The following NRG1 variants were observed in gnomAD, a reference collection of about 807,000 sequenced individuals.
The protein encoded by NRG1 is pro-neuregulin-1, membrane-bound isoform.
In NRG1, 18 loss-of-function variants were observed where a neutral mutation model predicts 63.8. The ratio of observed to expected loss-of-function variants is 0.28; its 90% confidence interval spans 0.19 to 0.42. NRG1 has a LOEUF of 0.42. Ranked by LOEUF, NRG1 falls within the 10% of genes least tolerant of loss-of-function variation. NRG1 has a pLI of 1.00. For missense variants in NRG1, 762 were observed against 814.7 expected (o/e 0.94, Z 0.79); for synonymous variants, 302 against 301.3 (o/e 1.00, Z -0.02).
intron 1 of NRG1, among the ~76,000 whole-genome samples, chr8:31,867,162 T>C (rs1454276655): frequency 6.6e-6 from 1 of 152,144 alleles, no homozygotes; most frequent in East Asian, 1.9e-4. Flanking sequence ...TGTTTCCTGC[T>C]TTGTTTCCTT....
intron 1 of NRG1, among the ~76,000 whole-genome samples, chr8:32,208,547 C>A (rs1306495922): frequency 6.6e-6 from 1 of 151,984 alleles, no homozygotes; most frequent in African/African-American, 2.4e-5. Flanking sequence ...CGTGAACCAC[C>A]GGGCCCAGCC....
In NRG1 at chr8:32,260,586, T is replaced by G. The variant is rs1252564491; in HGVS notation, c.38-335242T>G. Among the ~76,000 whole-genome samples, 5 of 152,356 alleles carry G rather than the reference T, an allele frequency of 3.3e-5. No homozygotes were observed. In the East Asian group the frequency reaches 5.8e-4, roughly 18 times the overall value. On this transcript the variant is annotated intron_variant, in intron 1 of 10. Transcript: ENST00000519301. ...TTTCTTAAGTTAATTTGCATTGGCATTAAGCACCTACTTTATTTATTTCCT... is the reference window on the plus strand; with the variant it reads ...TTTCTTAAGTTAATTTGCATTGGCAGTAAGCACCTACTTTATTTATTTCCT...
chr8:32,005,194 G>C (rs1334056961), intron 1 of NRG1, among the ~76,000 whole-genome samples: 1 of 151,908 alleles, frequency 6.6e-6, no homozygotes, highest in Non-Finnish European at 1.5e-5. Flanking sequence ...GGAATGATGA[G>C]AAGGATGGGT....
intron 1 of NRG1, among the ~76,000 whole-genome samples, chr8:32,416,817 C>T (rs540975437): frequency 6.6e-6 from 1 of 152,090 alleles, no homozygotes; most frequent in East Asian, 1.9e-4. Flanking sequence ...CCTCTGAAGT[C>T]GTTGGGACCA....
At chr8:31,880,137 G>C (rs1563520003) in intron 1 of NRG1, among the ~76,000 whole-genome samples, 1 of 152,082 alleles carries the variant, frequency 6.6e-6, no homozygotes. Context: ...TTCCTCAAAG[G>C]GCTAAAAGCA....
At chr8:31,862,933 C>G (rs1828604192) in intron 1 of NRG1, among the ~76,000 whole-genome samples, 1 of 152,180 alleles carries the variant, frequency 6.6e-6, no homozygotes, top group Non-Finnish European at 1.5e-5. Flanking sequence ...GTAGTGTTGT[C>G]TATTATATCT....
chr8:32,113,340 A>G (rs191563431), intron 1 of NRG1, among the ~76,000 whole-genome samples: 146 of 152,198 alleles, frequency 9.6e-4, no homozygotes, highest in Non-Finnish European at 1.6e-3. Context: ...CTCCAATAGT[A>G]ACTGCTCTCC....
intron 1 of NRG1, among the ~76,000 whole-genome samples, chr8:32,217,213 CAAAAAAAAAAAAAAAAAA>C (rs538507645): frequency 9.9e-6 from 1 of 101,168 alleles, no homozygotes; most frequent in Admixed American, 1.1e-4. Flanking sequence ...GACCCTGTCT[CAAAAAAAAAAAAAAAAAA>C]AAAAAAAAAA....
intron 1 of NRG1, among the ~76,000 whole-genome samples, chr8:32,462,416 A>C (rs757746833): frequency 5.9e-5 from 9 of 152,320 alleles, no homozygotes; most frequent in Admixed American, 1.3e-4. Flanking sequence ...ATTTTAATAT[A>C]CATATCCATT....
chr8:32,112,540 G>T (rs1170043565), intron 1 of NRG1, among the ~76,000 whole-genome samples: 4 of 152,172 alleles, frequency 2.6e-5, no homozygotes, highest in Admixed American at 6.5e-5. Flanking sequence ...AAGAGAAAAC[G>T]AGTGTTTCAT....
chr8:32,216,251 A>T (rs1018346178), intron 1 of NRG1, among the ~76,000 whole-genome samples: 2 of 150,288 alleles, frequency 1.3e-5, no homozygotes, highest in African/African-American at 4.9e-5. Flanking sequence ...TAAATAATGC[A>T]TTCAATTTAG....
intron 1 of NRG1, among the ~76,000 whole-genome samples, chr8:31,711,195 T>C (rs1014564943): frequency 6.6e-6 from 1 of 152,198 alleles, no homozygotes; most frequent in African/African-American, 2.4e-5. Flanking sequence ...ATTAACATTC[T>C]TTTTTGGTCA....
At chr8:32,495,275 C>T (rs1827060498) in intron 1 of NRG1, among the ~76,000 whole-genome samples, 2 of 152,138 alleles carry the variant, frequency 1.3e-5, no homozygotes, top group South Asian at 4.1e-4. Flanking sequence ...GTCAATAAGT[C>T]TCACGAGATC....
chr8:32,496,203 T>A (rs549243505), intron 1 of NRG1, among the ~76,000 whole-genome samples: 1 of 152,318 alleles, frequency 6.6e-6, no homozygotes, highest in Non-Finnish European at 1.5e-5. Flanking sequence ...CCTTAAGCAG[T>A]AGTTAACAGA....
At chr8:32,654,965 A>T (rs533330048) in intron 5 of NRG1, among the ~76,000 whole-genome samples, 1 of 152,242 alleles carries the variant, frequency 6.6e-6, no homozygotes, top group South Asian at 2.1e-4. Flanking sequence ...GTCCCTCTTC[A>T]TGGCCTTGAG....
At chr8:31,903,458 A>T (rs1456308952) in intron 1 of NRG1, among the ~76,000 whole-genome samples, 2 of 151,736 alleles carry the variant, frequency 1.3e-5, no homozygotes, top group Admixed American at 1.3e-4. Context: ...CGAGCCTTCA[A>T]CTTGATTCTT....
chr8:32,720,716 A>G (rs1182564494), intron 5 of NRG1, among the ~76,000 whole-genome samples: 1 of 152,116 alleles, frequency 6.6e-6, no homozygotes, highest in Non-Finnish European at 1.5e-5. Flanking sequence ...GACATCCTCC[A>G]TGGTATTCGT....
intron 1 of NRG1, among the ~76,000 whole-genome samples, chr8:32,590,369 G>C (rs2129535852): frequency 6.6e-6 from 1 of 152,270 alleles, no homozygotes; most frequent in South Asian, 2.1e-4. Flanking sequence ...GAAACACATA[G>C]AGAGCAAAAT....
intron 1 of NRG1, among the ~76,000 whole-genome samples, chr8:31,929,858 G>A (rs1337627470): frequency 6.6e-6 from 1 of 151,864 alleles, no homozygotes; most frequent in African/African-American, 2.4e-5. Context: ...TTATTTACTG[G>A]CTTGTCAGGT....
Sources: allele counts gnomAD v4.1 joint callset (sites outside exome capture counted in the v4.1 genomes callset), GRCh38; gene constraint gnomAD v4.1.1; transcripts MANE v1.5; gene names NCBI Gene and HGNC (gene_info 2026-07-23, HGNC 2026-07-21).